The following PPP2R2B variants were observed in gnomAD, a reference collection of about 807,000 sequenced individuals.
The protein encoded by PPP2R2B is serine/threonine-protein phosphatase 2A 55 kDa regulatory subunit B beta isoform.
In PPP2R2B, 5 loss-of-function variants were observed where a neutral mutation model predicts 46.0. The ratio of observed to expected loss-of-function variants is 0.11; its 90% CI spans 0.06 to 0.23. The LOEUF is 0.23. PPP2R2B is among the 10% of genes least tolerant of loss of function. The pLI, the probability that PPP2R2B is intolerant of heterozygous loss-of-function variation, is 1.00. For synonymous variants in PPP2R2B, 215 were observed against 206.7 expected (o/e 1.04, Z -0.34); for missense variants, 367 against 575.0 (o/e 0.64, Z 3.70).
In PPP2R2B at chr5:146,992,423, A is replaced by G. The variant is rs1232973774; in HGVS notation, c.79+63242T>C. 2.0e-5 allele frequency among the ~76,000 whole-genome samples: 3 copies of G among 152,210 alleles called. No individual in the cohort carries two copies. The East Asian group carries it at 5.8e-4, about 29-fold the overall frequency. ...TTCTGTAATACCTGATGCAAAATCC[A>G]TTGTCATTCATACCTCTTTGTATGG... On this transcript the variant is annotated intron_variant, in intron 1 of 8. Transcript: ENST00000336640.
intron 2 of PPP2R2B, among the ~76,000 whole-genome samples, chr5:146,791,293 A>G (rs1451655117): frequency 6.6e-6 from 1 of 152,136 alleles, no homozygotes; most frequent in Non-Finnish European, 1.5e-5. Flanking sequence ...CTATTCTGAG[A>G]TATTTTGCCA....
chr5:146,799,095 GA>G (rs1325485265), intron 2 of PPP2R2B, among the ~76,000 whole-genome samples: 1 of 152,128 alleles, frequency 6.6e-6, no homozygotes, highest in Non-Finnish European at 1.5e-5. Flanking sequence ...AATGGCCAAA[GA>G]AAGTTTACTT....
intron 5 of PPP2R2B, among the ~76,000 whole-genome samples, chr5:146,680,780 T>TG (rs1778118235): frequency 6.6e-6 from 1 of 152,228 alleles, no homozygotes; most frequent in Non-Finnish European, 1.5e-5. Context: ...TACAAGAGCA[T>TG]GACCCACCTT....
intron 2 of PPP2R2B, among the ~76,000 whole-genome samples, chr5:146,795,345 A>G (rs1756461127): frequency 6.6e-6 from 1 of 152,222 alleles, no homozygotes; most frequent in Non-Finnish European, 1.5e-5. Flanking sequence ...TGCAAAACAA[A>G]TATTATTCAG....
chr5:147,018,205 A>G (rs1016966839), intron 1 of PPP2R2B, among the ~76,000 whole-genome samples: 20 of 152,202 alleles, frequency 1.3e-4, no homozygotes, highest in African/African-American at 4.6e-4. Context: ...GAATAGAAAG[A>G]GTAAATTTAT....
chr5:146,885,161 T>G (rs373458169), intron 1 of PPP2R2B, among the ~76,000 whole-genome samples: 153 of 152,352 alleles, frequency 1.0e-3, no homozygotes, highest in African/African-American at 3.4e-3. Context: ...AGGGTTTTAC[T>G]TGCATTGTCT....
At chr5:146,742,989 G>T (rs1034154434) in intron 2 of PPP2R2B, among the ~76,000 whole-genome samples, 1 of 152,182 alleles carries the variant, frequency 6.6e-6, no homozygotes, top group Non-Finnish European at 1.5e-5. Flanking sequence ...CATAGCCTTA[G>T]AAGGAAGTAA....
At chr5:146,738,123 G>A (rs140977760) in intron 2 of PPP2R2B, among the ~76,000 whole-genome samples, 1,551 of 152,116 alleles carry the variant, frequency 0.01, 23 homozygotes, top group African/African-American at 0.035. Context: ...CGGGCTGGGC[G>A]CGGTGGCTCA....
chr5:147,056,758 A>C (rs1757098740), upstream of PPP2R2B, among the ~76,000 whole-genome samples: 2 of 152,188 alleles, frequency 1.3e-5, no homozygotes, highest in African/African-American at 4.8e-5. Context: ...AGATATAAGT[A>C]ATTTGGGATG....
At chr5:146,782,477 C>G (rs1402886542) in intron 2 of PPP2R2B, among the ~76,000 whole-genome samples, 1 of 152,174 alleles carries the variant, frequency 6.6e-6, no homozygotes. Flanking sequence ...AGTTATAAAG[C>G]CCAAAGAGAT....
chr5:146,925,835 T>C (rs1218878290), intron 1 of PPP2R2B, among the ~76,000 whole-genome samples: 1 of 152,190 alleles, frequency 6.6e-6, no homozygotes, highest in Non-Finnish European at 1.5e-5. Flanking sequence ...TACTGCAGTC[T>C]GTTTTCTCAC....
chr5:146,859,610 A>C (rs773798570), intron 2 of PPP2R2B, among the ~76,000 whole-genome samples: 16 of 152,174 alleles, frequency 1.1e-4, no homozygotes, highest in Non-Finnish European at 1.2e-4. Flanking sequence ...CCTAAAATAA[A>C]AGTTTTAAAA....
chr5:146,884,049 T>C (rs2151424148), intron 1 of PPP2R2B, among the ~76,000 whole-genome samples: 1 of 150,574 alleles, frequency 6.6e-6, no homozygotes, highest in East Asian at 2.0e-4. Context: ...AGGATATTTA[T>C]ATCACAGAAA....
chr5:147,064,468 A>T (rs1757359810), intron 2 of PPP2R2B, among the ~76,000 whole-genome samples: 1 of 152,062 alleles, frequency 6.6e-6, no homozygotes, highest in Admixed American at 6.6e-5. Flanking sequence ...ACCCTCCCAC[A>T]CCCTATATTG....
intron 5 of PPP2R2B, among the ~76,000 whole-genome samples, chr5:146,657,087 G>A (rs1776381895): frequency 6.6e-6 from 1 of 152,234 alleles, no homozygotes; most frequent in Admixed American, 6.5e-5. Context: ...GCGGGTCACA[G>A]TGCCTTGCTT....
chr5:146,763,332 G>A (rs924340027), intron 2 of PPP2R2B, among the ~76,000 whole-genome samples: 2 of 152,252 alleles, frequency 1.3e-5, no homozygotes, highest in Non-Finnish European at 2.9e-5. Context: ...TAGAAATAAC[G>A]CAGCTGGTTC....
intron 5 of PPP2R2B, among the ~76,000 whole-genome samples, chr5:146,675,171 A>G (rs1028062497): frequency 9.2e-5 from 14 of 152,090 alleles, no homozygotes; most frequent in Admixed American, 2.0e-4. Context: ...CATGTTGGCC[A>G]GGATGGTTTC....
chr5:146,926,712 T>C (rs1339006283), intron 1 of PPP2R2B, among the ~76,000 whole-genome samples: 1 of 152,188 alleles, frequency 6.6e-6, no homozygotes, highest in Non-Finnish European at 1.5e-5. Context: ...AAGTTCAGGC[T>C]CTTTTCAAGC....
At chr5:147,037,072 C>A (rs1756072899) in intron 1 of PPP2R2B, among the ~76,000 whole-genome samples, 1 of 152,072 alleles carries the variant, frequency 6.6e-6, no homozygotes, top group South Asian at 2.1e-4. Context: ...CGTTAGCATA[C>A]AGTAGAGCAC....
Sources: allele counts gnomAD v4.1 joint callset (sites outside exome capture counted in the v4.1 genomes callset), GRCh38; gene constraint gnomAD v4.1.1; transcripts MANE v1.5; gene names NCBI Gene and HGNC (gene_info 2026-07-23, HGNC 2026-07-21).